LARP1B: variants seen among roughly 807,000 people sequenced by gnomAD.
LARP1B encodes la-related protein 1B.
Under a neutral mutation model 114.2 loss-of-function variants are expected in LARP1B, and 76 were observed. The observed-to-expected ratio is 0.67, with a 90% CI of 0.55 to 0.81. The LOEUF (loss-of-function observed/expected upper bound fraction) is 0.81, where lower values mean the gene tolerates loss of function less well. LARP1B is among the 30% of genes least tolerant of loss of function. The pLI is 0.00. For synonymous variants in LARP1B, 345 were observed against 348.0 expected, an observed-to-expected ratio of 0.99 and a Z score of 0.10; for missense variants, 1,014 against 1,075.8, an observed-to-expected ratio of 0.94 and a Z score of 0.80.
At chr4:128,212,525 TAATC>T, downstream of LARP1B, among the ~76,000 whole-genome samples, 1 of 152,116 alleles carries the variant, frequency 6.6e-6, no homozygotes, top group East Asian at 1.9e-4. Context: ...TGCATGTCTG[TAATC>T]TCAGCTACTG....
At chr4:128,216,822 CAA>C (rs1363491781), downstream of LARP1B, among the ~76,000 whole-genome samples, 1 of 151,922 alleles carries the variant, frequency 6.6e-6, no homozygotes, top group Non-Finnish European at 1.5e-5. Context: ...AATAGAGACA[CAA>C]AAAACCCTTC....
Position 128,107,292 on chromosome 4 carries a change from C to T in LARP1B, c.967C>T (p.Gln323Ter). The T allele has an allele frequency of 6.2e-7, 1 of 1,614,118 alleles. No individual in the cohort carries two copies. Among genetic ancestry groups the T allele is most frequent in the East Asian group, 2.2e-5 (1 of 44,880 alleles). ...TGATTGTCCAGAGTTTGTACCAGGC[C>T]AAGCCTTTTGCTCACATACAGGTAA... Reference protein sequence around the residue: ...LIDCPEFVPGQAFCSHTESAP... With the variant: ...LIDCPEFVPG Residue 323 changes from glutamine (Q) to a stop codon, truncating the protein, a stop_gained, in exon 9 of 20, where the codon CAA (glutamine) becomes TAA (stop). Coordinates refer to ENST00000326639, the MANE Select transcript of LARP1B (RefSeq NM_018078.4). LOFTEE classifies it high-confidence loss of function.
intron 9 of LARP1B, chr4:128,108,919 GTGT>G (rs2149815634): frequency 1.2e-6 from 1 of 862,722 alleles, no homozygotes; most frequent in African/African-American, 1.8e-5. Flanking sequence ...GTACATTTTT[GTGT>G]TTTTTAATAT....
chr4:128,073,717 A>C (rs1766640529), intron 1 of LARP1B, among the ~76,000 whole-genome samples: 1 of 148,080 alleles, frequency 6.8e-6, no homozygotes, highest in African/African-American at 2.5e-5. Flanking sequence ...CAGCCTTCTG[A>C]GTAGCTGGGA....
chr4:128,153,760 TC>T (rs1167773179), intron 11 of LARP1B, among the ~76,000 whole-genome samples: 1 of 152,238 alleles, frequency 6.6e-6, no homozygotes, highest in African/African-American at 2.4e-5. Context: ...TTTGTGGGAC[TC>T]TAGAACTATA....
At chr4:128,125,427 C>T (rs936302737) in intron 11 of LARP1B, among the ~76,000 whole-genome samples, 1 of 152,206 alleles carries the variant, frequency 6.6e-6, no homozygotes, top group South Asian at 2.1e-4. Context: ...AACTTGCTTC[C>T]TACCTGCTCC....
At chr4:128,174,092 A>C (rs1378631707) in intron 12 of LARP1B, among the ~76,000 whole-genome samples, 1 of 152,110 alleles carries the variant, frequency 6.6e-6, no homozygotes, top group Non-Finnish European at 1.5e-5. Context: ...TGTATCAGTA[A>C]CTTTCTTTTA....
At chr4:128,144,970 A>C (rs940679706) in intron 11 of LARP1B, among the ~76,000 whole-genome samples, 1 of 151,352 alleles carries the variant, frequency 6.6e-6, no homozygotes, top group Admixed American at 6.6e-5. Context: ...TACCTTGACT[A>C]TGGGTTACAT....
At chr4:128,074,058 A>T (rs942549726) in intron 1 of LARP1B, among the ~76,000 whole-genome samples, 4 of 151,994 alleles carry the variant, frequency 2.6e-5, no homozygotes, top group South Asian at 2.1e-4. Context: ...CTCCTGCCTC[A>T]GCCTCCTGAG....
At chr4:128,106,258 G>A (rs543002150) in intron 8 of LARP1B, among the ~76,000 whole-genome samples, 3 of 152,020 alleles carry the variant, frequency 2.0e-5, no homozygotes, top group African/African-American at 4.8e-5. Context: ...TCCTGACCTC[G>A]TGATCCACCC....
At chr4:128,181,472 G>A (rs577565123) in intron 15 of LARP1B, among the ~76,000 whole-genome samples, 23 of 151,822 alleles carry the variant, frequency 1.5e-4, no homozygotes, top group African/African-American at 3.4e-4. Context: ...GCCACACTGC[G>A]CCCAGCTGTC....
chr4:128,153,926 A>G (rs1005967844), intron 11 of LARP1B, among the ~76,000 whole-genome samples: 2 of 152,128 alleles, frequency 1.3e-5, no homozygotes, highest in Non-Finnish European at 2.9e-5. Flanking sequence ...CCATCCACTT[A>G]TCGTAACTTC....
At chr4:128,190,689 T>C (rs373763131) in intron 15 of LARP1B, among the ~76,000 whole-genome samples, 1 of 152,182 alleles carries the variant, frequency 6.6e-6, no homozygotes, top group African/African-American at 2.4e-5. Context: ...CCCACCACGA[T>C]TGTAAGTTTC....
intron 12 of LARP1B, among the ~76,000 whole-genome samples, chr4:128,174,906 T>G (rs1373412020): frequency 2.0e-5 from 3 of 152,128 alleles, no homozygotes; most frequent in Non-Finnish European, 4.4e-5. Context: ...ACCCAGTATA[T>G]GTTTAGTTGT....
At chr4:128,076,027 T>C (rs1414818406) in intron 3 of LARP1B, among the ~76,000 whole-genome samples, 1 of 152,002 alleles carries the variant, frequency 6.6e-6, no homozygotes, top group Non-Finnish European at 1.5e-5. Context: ...TTATATTCTT[T>C]TTTTGAGACA....
chr4:128,190,645 C>T (rs987677662), intron 15 of LARP1B, among the ~76,000 whole-genome samples: 1 of 152,178 alleles, frequency 6.6e-6, no homozygotes. Context: ...TACTCTCTCT[C>T]ACCTGCTGCA....
chr4:128,083,536 C>T (rs1182445243), intron 5 of LARP1B, among the ~76,000 whole-genome samples: 1 of 150,178 alleles, frequency 6.7e-6, no homozygotes, highest in Non-Finnish European at 1.5e-5. Context: ...CAGAGGCGCC[C>T]CTCACCTCCC....
intron 8 of LARP1B, among the ~76,000 whole-genome samples, chr4:128,098,667 G>T (rs1467192679): frequency 7.0e-6 from 1 of 143,826 alleles, no homozygotes; most frequent in Non-Finnish European, 1.5e-5. Context: ...TCGCACCTGG[G>T]TGATAGAGTA....
chr4:128,120,185 G>C (rs546151040), intron 10 of LARP1B, among the ~76,000 whole-genome samples: 19 of 152,156 alleles, frequency 1.2e-4, no homozygotes, highest in African/African-American at 4.3e-4. Context: ...AACAGTGCCT[G>C]GCTCAGAGGA....
Sources: allele counts gnomAD v4.1 joint callset (sites outside exome capture counted in the v4.1 genomes callset), GRCh38; gene constraint gnomAD v4.1.1; transcripts MANE v1.5; gene names NCBI Gene and HGNC (gene_info 2026-07-23, HGNC 2026-07-21).